The following GLI2 variants were observed in gnomAD, a reference collection of about 807,000 sequenced individuals.
GLI2 encodes the protein transcription activator GLI2.
In GLI2, 22 loss-of-function variants were observed where a neutral mutation model predicts 78.9. The observed-to-expected ratio is 0.28, with a 90% CI of 0.20 to 0.40. The LOEUF is 0.40. Ranked by LOEUF, GLI2 falls within the 10% of genes least tolerant of loss-of-function variation. GLI2 has a pLI of 1.00. For synonymous variants in GLI2, 974 were observed against 963.7 expected, an observed-to-expected ratio of 1.01 and a Z score of -0.20; for missense variants, 2,097 against 2,213.2, an observed-to-expected ratio of 0.95 and a Z score of 1.05.
rs1683159546 is a variant in GLI2, at chr2:120,989,279, C to T, written c.3314C>T (p.Pro1105Leu). 1.9e-6 allele frequency: 3 copies of T among 1,613,030 alleles called. No individual in the cohort carries two copies. In the Admixed American group the frequency reaches 5.0e-5, roughly 27 times the overall value. The change falls in exon 14 of 14, where the codon CCT becomes CTT. Residue 1105 changes from proline (P) to leucine (L), a missense_variant. Physicochemically the swap from Pro to Leu is moderately conservative, Grantham distance 98. Transcript: ENST00000361492. Reference sequence around the variant, plus strand: ...GACTCCAACGTGGGCCCCTCCGCCCCTATGCTGGGAGGATGCCAGTTAGGC... The same window carrying T: ...GACTCCAACGTGGGCCCCTCCGCCCTTATGCTGGGAGGATGCCAGTTAGGC... ...AADSNVGPSA[P>L]MLGGCQLGFG...
At chr2:120,781,910 T>C (rs1683860746) in intron 1 of GLI2, among the ~76,000 whole-genome samples, 1 of 151,822 alleles carries the variant, frequency 6.6e-6, no homozygotes, top group Non-Finnish European at 1.5e-5. Flanking sequence ...TTACCAAAAA[T>C]CCCAGCATAA....
chr2:120,842,270 GTTTATA>G (rs1260702958), intron 2 of GLI2, among the ~76,000 whole-genome samples: 2 of 151,870 alleles, frequency 1.3e-5, no homozygotes, highest in South Asian at 2.1e-4. Flanking sequence ...AACATTATTT[GTTTATA>G]TTTATATATG....
At chr2:120,852,222 G>C (rs1687438146) in intron 2 of GLI2, among the ~76,000 whole-genome samples, 1 of 152,178 alleles carries the variant, frequency 6.6e-6, no homozygotes, top group Admixed American at 6.5e-5. Context: ...GAGAGGAGGA[G>C]GACAGGTTGG....
At chr2:120,835,538 A>C (rs1398913959) in intron 2 of GLI2, among the ~76,000 whole-genome samples, 1 of 151,918 alleles carries the variant, frequency 6.6e-6, no homozygotes, top group East Asian at 1.9e-4. Context: ...GGCGCCCGCC[A>C]CCACACCTGG....
intron 2 of GLI2, among the ~76,000 whole-genome samples, chr2:120,816,647 A>G (rs1281905646): frequency 2.9e-5 from 3 of 104,236 alleles, no homozygotes; most frequent in Middle Eastern, 4.4e-3. Flanking sequence ...CTTCTCCAAA[A>G]TTAAAAAAAA....
intron 2 of GLI2, among the ~76,000 whole-genome samples, chr2:120,809,535 TA>T (rs952559523): frequency 7.3e-5 from 11 of 150,602 alleles, no homozygotes; most frequent in South Asian, 4.2e-4. Context: ...CATCTCTGTT[TA>T]AAAAAGAAGG....
At chr2:120,785,340 T>G (rs1683969389) in intron 1 of GLI2, among the ~76,000 whole-genome samples, 1 of 152,120 alleles carries the variant, frequency 6.6e-6, no homozygotes, top group South Asian at 2.1e-4. Context: ...CCTGTTGGCT[T>G]CATTGCAAGG....
chr2:120,907,381 C>G (rs1341814928), intron 2 of GLI2, among the ~76,000 whole-genome samples: 1 of 152,168 alleles, frequency 6.6e-6, no homozygotes, highest in African/African-American at 2.4e-5. Context: ...CTTCCCTGAC[C>G]TGAAGATGTG....
chr2:120,783,496 C>G (rs915233126), intron 1 of GLI2, among the ~76,000 whole-genome samples: 2 of 151,942 alleles, frequency 1.3e-5, no homozygotes, highest in Non-Finnish European at 2.9e-5. Context: ...CAAAAGGCCA[C>G]GGGAACAAAA....
chr2:120,741,593 T>C (rs1018971686), intron 1 of GLI2, among the ~76,000 whole-genome samples: 5 of 151,966 alleles, frequency 3.3e-5, no homozygotes, highest in Non-Finnish European at 7.4e-5. Context: ...TTTTCCCATC[T>C]TTCCCTCCCG....
At chr2:120,978,877 C>T (rs1024035213) in intron 10 of GLI2, among the ~76,000 whole-genome samples, 1 of 152,194 alleles carries the variant, frequency 6.6e-6, no homozygotes, top group African/African-American at 2.4e-5. Flanking sequence ...TATCTGCACC[C>T]TGCAGTTTGC....
intron 1 of GLI2, among the ~76,000 whole-genome samples, chr2:120,752,458 A>G (rs547229116): frequency 1.3e-5 from 2 of 152,004 alleles, no homozygotes; most frequent in Non-Finnish European, 2.9e-5. Context: ...TTTAGTAGAG[A>G]TGGGCTTTCA....
At chr2:120,938,795 C>T (rs1325634041) in intron 3 of GLI2, among the ~76,000 whole-genome samples, 1 of 152,158 alleles carries the variant, frequency 6.6e-6, no homozygotes, top group Non-Finnish European at 1.5e-5. Flanking sequence ...ACGACTGAGC[C>T]TCAGATGATT....
intron 2 of GLI2, among the ~76,000 whole-genome samples, chr2:120,877,114 A>G (rs1688791189): frequency 6.6e-6 from 1 of 152,076 alleles, no homozygotes; most frequent in South Asian, 2.1e-4. Flanking sequence ...CCTCAGCATG[A>G]CCTTGGGGTG....
At chr2:120,927,898 C>T (rs1467415610) in intron 3 of GLI2, among the ~76,000 whole-genome samples, 2 of 152,222 alleles carry the variant, frequency 1.3e-5, no homozygotes, top group East Asian at 3.9e-4. Context: ...AGTCACCATA[C>T]TTAAAAGGAC....
intron 9 of GLI2, 73 bp from the exon 10 acceptor site, chr2:120,978,361 T>C: frequency 6.4e-7 from 1 of 1,574,006 alleles, no homozygotes; most frequent in South Asian, 1.1e-5. Flanking sequence ...GTGCAGGTGG[T>C]CAGCTGACAG....
chr2:120,888,717 CT>C (rs1172426297), intron 2 of GLI2, among the ~76,000 whole-genome samples: 6 of 152,232 alleles, frequency 3.9e-5, no homozygotes, highest in African/African-American at 1.4e-4. Flanking sequence ...GGAAAGCTGA[CT>C]AGCATCGACA....
chr2:120,775,567 C>T (rs1683652970), intron 1 of GLI2, among the ~76,000 whole-genome samples: 1 of 152,200 alleles, frequency 6.6e-6, no homozygotes, highest in Non-Finnish European at 1.5e-5. Context: ...ATGCACCTCT[C>T]AGCAGAGCGC....
intron 3 of GLI2, among the ~76,000 whole-genome samples, chr2:120,935,698 T>G (rs562500270): frequency 6.6e-6 from 1 of 152,362 alleles, no homozygotes; most frequent in African/African-American, 2.4e-5. Context: ...GATTACTTAC[T>G]GGGCATTTTG....
Sources: gnomAD v4.1 joint callset for allele counts (sites outside exome capture counted in the v4.1 genomes callset) on GRCh38, gnomAD v4.1.1 for gene constraint, MANE v1.5 for transcripts, NCBI Gene and HGNC (gene_info 2026-07-23, HGNC 2026-07-21) for gene names.